Variants in PLPPR2 observed in about 807,000 individuals in gnomAD.
PLPPR2 encodes phospholipid phosphatase-related protein type 2.
PLPPR2 carries 11 observed loss-of-function variants against 40.3 expected under a neutral mutation model. The ratio of observed to expected loss-of-function variants is 0.27; its 90% CI spans 0.17 to 0.45. PLPPR2 has a LOEUF of 0.45. PLPPR2 is among the 20% of genes least tolerant of loss of function. PLPPR2 has a pLI of 1.00. For synonymous variants in PLPPR2, 260 were observed against 290.8 expected, an observed-to-expected ratio of 0.89 and a Z score of 1.08; for missense variants, 497 against 640.7, an observed-to-expected ratio of 0.78 and a Z score of 2.42.
chr19:11,358,658 T>C, intron 3 of PLPPR2, among the ~76,000 whole-genome samples: 2 of 147,190 alleles, frequency 1.4e-5, no homozygotes, highest in African/African-American at 2.5e-5. Flanking sequence ...CTGGCTTTCC[T>C]CTCTCTCTGT....
rs761878510 is a variant in PLPPR2 at position 11,362,234 on chromosome 19, C to T, written c.664-279C>T. On this transcript the variant is annotated intron_variant, in intron 6 of 9. Transcript: ENST00000688289. The surrounding 1 kb of genome is among the most constrained non-coding windows in gnomAD (Gnocchi z 5.3). ...CTCCGGACCAGGGACACCTGGGCCCCAGACCTTGTCCTCTGCTCTTGGGAG... is the reference window on the plus strand; with the variant it reads ...CTCCGGACCAGGGACACCTGGGCCCTAGACCTTGTCCTCTGCTCTTGGGAG... Among the ~76,000 whole-genome samples, 21 of 152,162 alleles carry T rather than the reference C, an allele frequency of 1.4e-4. No individual in the cohort carries two copies. The highest frequency in any genetic ancestry group is 2.4e-4 in the Non-Finnish European group (16 of 68,038).
Position 11,363,845 on chromosome 19 carries a change from G to C in PLPPR2, c.963+10G>C. ...GTTAAGTGTGGCGCAGGTAAGGGGG[G>C]CCGGGGGCTGCTCCCGGCTGGAGAG... On this transcript the variant is annotated intron_variant, in intron 8 of 9. Coordinates refer to ENST00000688289, the MANE Select transcript of PLPPR2 (RefSeq NM_001393892.1). This position sits in a 1 kb window ranked among gnomAD's most constrained non-coding sequence, Gnocchi z 4.8. 1 of 1,611,496 alleles carries C rather than the reference G, an allele frequency of 6.2e-7. No homozygotes were observed. The highest frequency in any genetic ancestry group is 1.3e-5 in the African/African-American group (1 of 74,976).
Position 11,364,148 on chromosome 19 carries a change from CTCTT to C in PLPPR2, c.964-11_964-8del. ...GGGGCCACTAGCCCCTTCCGTCTGTCTCTTTGTCTCAGGAACCCGAGGTCTGCAG... is the reference window on the plus strand; with the variant it reads ...GGGGCCACTAGCCCCTTCCGTCTGTCTGTCTCAGGAACCCGAGGTCTGCAG... On this transcript the variant is annotated splice_polypyrimidine_tract_variant and intron_variant, in intron 8 of 9. Transcript: ENST00000688289. The surrounding 1 kb of genome is among the most constrained non-coding windows in gnomAD (Gnocchi z 5.8). The C allele has an allele frequency of 6.2e-7, 1 of 1,609,294 alleles. No individual in the cohort carries two copies. Among genetic ancestry groups the C allele is most frequent in the East Asian group, 2.2e-5 (1 of 44,768 alleles).
At position 11,359,428 on chromosome 19, in the gene PLPPR2, C is replaced by T. The variant is rs1967982855; in HGVS notation, c.67-104C>T. 1 of 1,073,580 alleles carries T rather than the reference C, an allele frequency of 9.3e-7. No individual in the cohort carries two copies. Among genetic ancestry groups the T allele is most frequent in the Non-Finnish European group, 1.3e-6 (1 of 780,024 alleles). The allele number at this position is 1,073,580 out of a possible 1,614,324, so 66.5% of individuals were successfully genotyped here. ...TCCATCTTCTAGTTTCTGTCTCTAA[C>T]CCATGTTTCTCCATCTCTGTATCTC... is the stretch of plus-strand genomic sequence containing the variant. On this transcript the variant is annotated intron_variant, in intron 3 of 9. Coordinates refer to ENST00000688289, the MANE Select transcript of PLPPR2 (RefSeq NM_001393892.1). The surrounding 1 kb of genome is among the most constrained non-coding windows in gnomAD (Gnocchi z 5.6).
At chr19:11,357,136 G>A (rs1454336143) in intron 2 of PLPPR2, among the ~76,000 whole-genome samples, 160 bp downstream of exon 2, 1 of 152,040 alleles carries the variant, frequency 6.6e-6, no homozygotes, top group Non-Finnish European at 1.5e-5. Flanking sequence ...CAGAGAAGGA[G>A]GGCTTGGCTA....
In PLPPR2 at chr19:11,359,461, G is replaced by A; in HGVS notation, c.67-71G>A. The A allele has an allele frequency of 1.4e-6, 2 of 1,396,140 alleles. No individual in the cohort carries two copies. Among genetic ancestry groups the A allele is most frequent in the Non-Finnish European group, 1.9e-6 (2 of 1,046,962 alleles). The allele number at this position is 1,396,140 out of a possible 1,614,324, so 86.5% of individuals were successfully genotyped here. ...TCTCCATCTCTGTATCTCTGCCTCT[G>A]TGGCCTCAGCTGGAGTCCTGACCTC... is the stretch of plus-strand genomic sequence containing the variant. On this transcript the variant is annotated intron_variant, in intron 3 of 9. Coordinates refer to ENST00000688289, the MANE Select transcript of PLPPR2 (RefSeq NM_001393892.1). The surrounding 1 kb of genome is among the most constrained non-coding windows in gnomAD (Gnocchi z 5.6).
In PLPPR2 at chr19:11,364,375, C is replaced by A; in HGVS notation, c.1044C>A (p.His348Gln). 1 of 1,519,610 alleles carries A rather than the reference C, an allele frequency of 6.6e-7. No homozygotes were observed. Among genetic ancestry groups the A allele is most frequent in the Non-Finnish European group, 8.8e-7 (1 of 1,134,950 alleles). 94.1% of individuals were successfully genotyped at this position (1,519,610 alleles called of 1,614,324 possible). Residue 348 changes from histidine to glutamine, a missense_variant, in exon 10 of 10, where the codon CAC becomes CAA. By Grantham distance (24) the His-to-Gln change is conservative. Coordinates refer to ENST00000688289, the MANE Select transcript of PLPPR2 (RefSeq NM_001393892.1). The surrounding 1 kb of genome is among the most constrained non-coding windows in gnomAD (Gnocchi z 5.8). ...SKSQNCARRG[H>Q]LIPSCVSSRA... ...CGCAGAACTGCGCCCGCCGTGGCCACCTGATCCCCAGCTGTGTCTCCTCCA... is the reference window on the plus strand; with the variant it reads ...CGCAGAACTGCGCCCGCCGTGGCCAACTGATCCCCAGCTGTGTCTCCTCCA...
Position 11,364,215 on chromosome 19 carries a change from G to A in PLPPR2, c.1015+3G>A. On this transcript the variant is annotated splice_donor_region_variant and intron_variant, in intron 9 of 9. Transcript: ENST00000688289. This position sits in a 1 kb window ranked among gnomAD's most constrained non-coding sequence, Gnocchi z 5.8. The stretch of plus-strand genomic sequence containing the variant: ...ACCGGCACGGCTCACCCCATCCAGT[G>A]AGTGTTGGGGGAGTGGGGGGCTAAA... 2 of 1,611,390 alleles carry A rather than the reference G, an allele frequency of 1.2e-6. No individual in the cohort carries two copies. The highest frequency in any genetic ancestry group is 1.7e-6 in the Non-Finnish European group (2 of 1,178,362).
intron 3 of PLPPR2, among the ~76,000 whole-genome samples, chr19:11,358,082 T>C (rs566277066): frequency 5.9e-5 from 9 of 151,758 alleles, no homozygotes; most frequent in African/African-American, 9.7e-5. Context: ...TGAGATAGGG[T>C]CTCACTCTGT....
chr19:11,357,897 C>G (rs990440528), intron 3 of PLPPR2, among the ~76,000 whole-genome samples, 158 bp downstream of exon 3: 21 of 152,106 alleles, frequency 1.4e-4, no homozygotes, highest in Non-Finnish European at 2.9e-5. Context: ...AGAAGTGCCA[C>G]TCCCCGGGGT....
intron 5 of PLPPR2, among the ~76,000 whole-genome samples, 196 bp downstream of exon 5, chr19:11,360,152 G>A (rs969028570): frequency 3.3e-5 from 5 of 152,154 alleles, no homozygotes; most frequent in African/African-American, 1.2e-4. Flanking sequence ...CCAACATGGC[G>A]AAACCCTGTC....
Position 11,359,709 on chromosome 19 carries a change from C to A in PLPPR2, c.244C>A (p.Pro82Thr). The A allele has an allele frequency of 6.3e-7, 1 of 1,592,636 alleles. No individual in the cohort carries two copies. The highest frequency in any genetic ancestry group is 8.6e-7 in the Non-Finnish European group (1 of 1,166,488). Residue 82 changes from proline (P) to threonine (T), a missense_variant, in exon 4 of 10, where the codon CCC becomes ACC. Physicochemically the swap from Pro to Thr is conservative, Grantham distance 38 (BLOSUM62 -1). Coordinates refer to ENST00000688289, the MANE Select transcript of PLPPR2 (RefSeq NM_001393892.1). This position sits in a 1 kb window ranked among gnomAD's most constrained non-coding sequence, Gnocchi z 5.6. ...ALVYALVTAGPTLTILLGELA... is the reference protein window; with the variant it reads ...ALVYALVTAGTTLTILLGELA... ...TGTCTACGCACTGGTCACTGCCGGG[C>A]CCACCCTCACGGTGAGACAATGAAG...
chr19:11,362,830 C>A lies in PLPPR2; in HGVS notation c.840+141C>A. ...CTTAACATTACCCTTCCTGGATATT[C>A]TCATCTGTGAAATGAGATACCAGGA... is the stretch of plus-strand genomic sequence containing the variant. On this transcript the variant is annotated intron_variant, in intron 7 of 9. Coordinates refer to ENST00000688289, the MANE Select transcript of PLPPR2 (RefSeq NM_001393892.1). This position sits in a 1 kb window ranked among gnomAD's most constrained non-coding sequence, Gnocchi z 5.3. The A allele has an allele frequency of 1.0e-6, 1 of 994,678 alleles. No individual in the cohort carries two copies. Among genetic ancestry groups the A allele is most frequent in the Non-Finnish European group, 1.4e-6 (1 of 698,494 alleles). The allele number at this position is 994,678 out of a possible 1,614,324, so 61.6% of individuals were successfully genotyped here.
At position 11,361,722 on chromosome 19, in the gene PLPPR2, G is replaced by A. The variant is rs913558569; in HGVS notation, c.663+234G>A. On this transcript the variant is annotated intron_variant, in intron 6 of 9. Coordinates refer to ENST00000688289, the MANE Select transcript of PLPPR2 (RefSeq NM_001393892.1). This position sits in a 1 kb window ranked among gnomAD's most constrained non-coding sequence, Gnocchi z 6.3. ...ACTCCGCCCCTTGCCCTCTGGCCAC[G>A]CCTCCTGAGCCAGTAATGCGAGGGA... is the stretch of plus-strand genomic sequence containing the variant. 1.3e-5 allele frequency among the ~76,000 whole-genome samples: 2 copies of A among 151,962 alleles called. No homozygotes were observed. Among genetic ancestry groups the A allele is most frequent in the African/African-American group, 4.8e-5 (2 of 41,376 alleles).
chr19:11,361,610 C>G lies in PLPPR2; in HGVS notation c.663+122C>G. The G allele has an allele frequency of 3.7e-6, 5 of 1,336,984 alleles. No individual in the cohort carries two copies. The highest frequency in any genetic ancestry group is 4.9e-5 in the East Asian group (2 of 40,972). The allele number at this position is 1,336,984 out of a possible 1,614,324, so 82.8% of individuals were successfully genotyped here. A position where few individuals can be genotyped will look rare whatever the true frequency, so the allele number is the denominator to read the frequency against. The stretch of plus-strand genomic sequence containing the variant: ...CGCCCCGGGTGCTGTTGGAAGCTCT[C>G]GCTCCACGCCCCGACCTGTTGGAAG... On this transcript the variant is annotated intron_variant, in intron 6 of 9. Transcript: ENST00000688289. This position sits in a 1 kb window ranked among gnomAD's most constrained non-coding sequence, Gnocchi z 6.3.
rs774142759 is a variant in PLPPR2, at chr19:11,362,221, G to A, written c.664-292G>A. Among the ~76,000 whole-genome samples, 57 of 152,232 alleles carry A rather than the reference G, an allele frequency of 3.7e-4. No individual in the cohort carries two copies. The highest frequency in any genetic ancestry group is 1.4e-3 in the Admixed American group (22 of 15,294). On this transcript the variant is annotated intron_variant, in intron 6 of 9. Coordinates refer to ENST00000688289, the MANE Select transcript of PLPPR2 (RefSeq NM_001393892.1). This position sits in a 1 kb window ranked among gnomAD's most constrained non-coding sequence, Gnocchi z 5.3. ...TCCCCATCTGCGACTCCGGACCAGG[G>A]ACACCTGGGCCCCAGACCTTGTCCT...
chr19:11,356,664 T>TTGTG (rs66994507), intron 1 of PLPPR2, 138 bp from the exon 2 acceptor site: 8,648 of 145,826 alleles, frequency 0.059, 331 homozygotes, highest in African/African-American at 0.11. Context: ...TATGCCATGG[T>TTGTG]TGTGTGTGTG....
chr19:11,364,403 GC>G lies in PLPPR2; in HGVS notation c.1076del (p.Pro359GlnfsTer14). ...HLIPSCVSSRAPAMCSSPRVP... is the reference protein window; with the variant it reads ...HLIPSCVSSRXPAMCSSPRVP... ...GATCCCCAGCTGTGTCTCCTCCAGG[GC>G]CCCAGCCATGTGTTCGTCGCCCCGT... On this transcript the variant is annotated frameshift_variant, in exon 10 of 10. Coordinates refer to ENST00000688289, the MANE Select transcript of PLPPR2 (RefSeq NM_001393892.1). LOFTEE classifies it high-confidence loss of function. This position sits in a 1 kb window ranked among gnomAD's most constrained non-coding sequence, Gnocchi z 5.8. The G allele has an allele frequency of 6.6e-7, 1 of 1,520,192 alleles. No individual in the cohort carries two copies. The allele number at this position is 1,520,192 out of a possible 1,614,324, so 94.2% of individuals were successfully genotyped here.
Position 11,357,703 on chromosome 19 carries a change from G to A in PLPPR2, c.30G>A (p.Arg10=). The A allele has an allele frequency of 6.2e-7, 1 of 1,608,106 alleles. No homozygotes were observed. The highest frequency in any genetic ancestry group is 1.1e-5 in the South Asian group (1 of 89,792). ...CGGGAGGGAGACCGCATCTGAAGAG[G>A]AGTTTCTCCATCATCCCCTGCTTTG... MAGGRPHLK[R]SFSIIPCFVF... Residue 10 remains arginine, a synonymous_variant, in exon 3 of 10, where the codon AGG becomes AGA. Transcript: ENST00000688289.
Sources: gnomAD v4.1 joint callset for allele counts (sites outside exome capture counted in the v4.1 genomes callset) on GRCh38, gnomAD v4.1.1 for gene constraint, Gnocchi (gnomAD v3.1) non-coding constraint, MANE v1.5 for transcripts, NCBI Gene and HGNC (gene_info 2026-07-23, HGNC 2026-07-21) for gene names.